The following SYNE2 variants were observed in gnomAD, a reference collection of about 807,000 sequenced individuals.
The protein encoded by SYNE2 is nesprin-2.
In SYNE2, 431 loss-of-function variants were observed where a neutral mutation model predicts 856.3. The ratio of observed to expected loss-of-function variants is 0.50; its 90% CI spans 0.47 to 0.55. The LOEUF (loss-of-function observed/expected upper bound fraction) is 0.55. SYNE2 is among the 20% of genes least tolerant of loss of function. The probability of loss-of-function intolerance (pLI) is 0.00; values close to 1 mark genes in which losing one functional copy is unlikely to be tolerated. For synonymous variants in SYNE2, 2,923 were observed against 2,872.3 expected (o/e 1.02, Z -0.56); for missense variants, 8,129 against 8,023.2 (o/e 1.01, Z -0.50).
intron 94 of SYNE2, among the ~76,000 whole-genome samples, chr14:64,172,252 C>G (rs919761387): frequency 6.6e-6 from 1 of 152,200 alleles, no homozygotes; most frequent in Non-Finnish European, 1.5e-5. Flanking sequence ...CATAATGACA[C>G]TCATCATTCT....
At chr14:64,118,490 G>A (rs1196248207) in intron 66 of SYNE2, among the ~76,000 whole-genome samples, 1 of 152,182 alleles carries the variant, frequency 6.6e-6, no homozygotes, top group Non-Finnish European at 1.5e-5. Flanking sequence ...AAGGAAAAGA[G>A]CAAGGGAAAT....
chr14:64,014,928 CTTATAT>C (rs1320754064), intron 32 of SYNE2, among the ~76,000 whole-genome samples: 6 of 51,844 alleles, frequency 1.2e-4, no homozygotes, highest in Admixed American at 6.9e-4. Flanking sequence ...TGTATAATTC[CTTATAT>C]ATATATATAT....
intron 1 of SYNE2, among the ~76,000 whole-genome samples, chr14:63,890,275 C>A (rs775571310): frequency 4.6e-5 from 7 of 152,022 alleles, no homozygotes; most frequent in Non-Finnish European, 1.0e-4. Flanking sequence ...GTTGGCCAGG[C>A]TGATCTCGAA....
intron 85 of SYNE2, among the ~76,000 whole-genome samples, chr14:64,155,462 T>C (rs2153708042): frequency 6.6e-6 from 1 of 152,228 alleles, no homozygotes; most frequent in East Asian, 1.9e-4. Flanking sequence ...GAGTGACTGC[T>C]AATAGTTATG....
chr14:63,964,491 C>G (rs1437325768), intron 10 of SYNE2, among the ~76,000 whole-genome samples: 1 of 152,104 alleles, frequency 6.6e-6, no homozygotes, highest in Non-Finnish European at 1.5e-5. Context: ...TGGTTTAAAG[C>G]AGAACATGCT....
chr14:63,922,633 T>C (rs1418679478), intron 2 of SYNE2, among the ~76,000 whole-genome samples: 2 of 152,202 alleles, frequency 1.3e-5, no homozygotes, highest in African/African-American at 2.4e-5. Flanking sequence ...CTATAAAAAA[T>C]ACTCATGTGT....
At chr14:64,115,481 G>A (rs185889794) in intron 66 of SYNE2, among the ~76,000 whole-genome samples, 257 of 152,282 alleles carry the variant, frequency 1.7e-3, no homozygotes, top group Middle Eastern at 0.01. Context: ...GTCAGAGAGC[G>A]CCGAAGGGCA....
At chr14:64,073,224 C>A (rs1198682254) in intron 52 of SYNE2, among the ~76,000 whole-genome samples, 1 of 152,120 alleles carries the variant, frequency 6.6e-6, no homozygotes, top group African/African-American at 2.4e-5. Flanking sequence ...AAAGTTCCAA[C>A]CTTTTAATCA....
intron 1 of SYNE2, among the ~76,000 whole-genome samples, chr14:63,820,060 A>C (rs571819849): frequency 6.6e-5 from 10 of 152,306 alleles, no homozygotes; most frequent in African/African-American, 1.7e-4. Context: ...GAGCCAAAAA[A>C]AGACCATAAC....
chr14:63,968,468 T>C (rs984585442), intron 11 of SYNE2, among the ~76,000 whole-genome samples: 1 of 152,172 alleles, frequency 6.6e-6, no homozygotes, highest in Non-Finnish European at 1.5e-5. Context: ...CTATCATGTA[T>C]CAATATCAGT....
In SYNE2 at chr14:63,981,023, G is replaced by A; in HGVS notation, c.1686G>A (p.Met562Ile). ...ECQNINKQYM[M>I]VKSDVCMYRK... ...AGAATATTAATAAACAGTATATGAT[G>A]GTGAAATCTGATGTTTGTATGTATA... is the stretch of plus-strand genomic sequence containing the variant. The change falls in exon 16 of 116, where the codon ATG (methionine) becomes ATA (isoleucine). Residue 562 changes from methionine (M) to isoleucine (I), a missense_variant. Physicochemically the swap from Met to Ile is conservative, Grantham distance 10. Transcript: ENST00000555002. 1.3e-6 allele frequency: 2 copies of A among 1,571,634 alleles called. No individual in the cohort carries two copies. Among genetic ancestry groups the A allele is most frequent in the South Asian group, 2.2e-5 (2 of 89,390 alleles).
intron 1 of SYNE2, among the ~76,000 whole-genome samples, chr14:63,775,709 G>T (rs888962765): frequency 2.6e-5 from 4 of 152,186 alleles, no homozygotes; most frequent in African/African-American, 9.6e-5. Context: ...GCCTCCAAAA[G>T]TAGCTGGGAC....
At chr14:64,161,113 G>A (rs899157411) in intron 87 of SYNE2, among the ~76,000 whole-genome samples, 1 of 152,152 alleles carries the variant, frequency 6.6e-6, no homozygotes, top group Admixed American at 6.5e-5. Flanking sequence ...GGAGGCCGAG[G>A]TGGGTAGATC....
rs531688503 is a variant in SYNE2 at position 64,098,222 on chromosome 14, A to G, written c.12306+76A>G. 5.2e-4 allele frequency: 776 copies of G among 1,506,050 alleles called. 1 individual carries two copies. Among genetic ancestry groups the G allele is most frequent in the Non-Finnish European group, 6.5e-4 (714 of 1,090,924 alleles). The allele number at this position is 1,506,050 out of a possible 1,614,324, so 93.3% of individuals were successfully genotyped here. ...ATGGGTAGTGTTTTCCACCTGAACG[A>G]CCTGTGGCATCTATGTCTATGGCCT... On this transcript the variant is annotated intron_variant, in intron 62 of 115. Transcript: ENST00000555002.
Position 64,199,358 on chromosome 14 carries a change from G to A in SYNE2, c.18039-3443G>A, listed in dbSNP as rs563992915. On this transcript the variant is annotated intron_variant, in intron 99 of 115. Coordinates refer to ENST00000555002, the MANE Select transcript of SYNE2 (RefSeq NM_182914.3). ...GCTTCCGCTATTGACCATGTGACTT[G>A]GGCAAGCTCTTTACTCTCTGTGCCT... Among the ~76,000 whole-genome samples, 7 of 152,268 alleles carry A rather than the reference G, an allele frequency of 4.6e-5. No individual in the cohort carries two copies. The South Asian group carries it at 1.5e-3, about 32-fold the overall frequency.
Position 64,146,470 on chromosome 14 carries a change from A to G in SYNE2, c.15639+247A>G, listed in dbSNP as rs974021380. On this transcript the variant is annotated intron_variant, in intron 84 of 115. Coordinates refer to ENST00000555002, the MANE Select transcript of SYNE2 (RefSeq NM_182914.3). ...ATTGCTGCTCTTAAGAGGTTTGAGT[A>G]GTACTCTTGGGGAAAAATGTTCAAA... Among the ~76,000 whole-genome samples, 17 of 152,242 alleles carry G rather than the reference A, an allele frequency of 1.1e-4. 1 individual carries two copies. The highest frequency in any genetic ancestry group is 9.8e-4 in the Admixed American group (15 of 15,282).
chr14:64,121,554 C>T, intron 68 of SYNE2, among the ~76,000 whole-genome samples: 1 of 152,072 alleles, frequency 6.6e-6, no homozygotes, highest in East Asian at 1.9e-4. Context: ...CAAAAAAAAG[C>T]TTTCTATATG....
rs767400013 is a variant in SYNE2 at position 64,119,551 on chromosome 14, T to C, written c.12965T>C (p.Val4322Ala). 1.2e-6 allele frequency: 2 copies of C among 1,614,112 alleles called. No homozygotes were observed. Among genetic ancestry groups the C allele is most frequent in the African/African-American group, 2.7e-5 (2 of 75,028 alleles). Residue 4322 changes from valine (V) to alanine (A), a missense_variant, in exon 67 of 116, where the codon GTG becomes GCG. Val to Ala is a moderately conservative substitution (Grantham distance 64, BLOSUM62 0). Transcript: ENST00000555002. ...GCGCTTTCCCTGAAACTGAAAACAG[T>C]GAAGTGCAATTTAGAAAAAGTCCAG... ...AEALSLKLKT[V>A]KCNLEKVQMM...
chr14:63,931,634 C>T (rs1407430025), intron 2 of SYNE2, among the ~76,000 whole-genome samples: 1 of 151,994 alleles, frequency 6.6e-6, no homozygotes, highest in Non-Finnish European at 1.5e-5. Context: ...TTCTTTTCCT[C>T]CATCTAATAA....
Sources: allele counts gnomAD v4.1 joint callset (sites outside exome capture counted in the v4.1 genomes callset), GRCh38; gene constraint gnomAD v4.1.1; transcripts MANE v1.5; gene names NCBI Gene and HGNC (gene_info 2026-07-23, HGNC 2026-07-21).